DOK5: variants seen among roughly 807,000 people sequenced by gnomAD.
DOK5 encodes docking protein 5.
In DOK5, 27 loss-of-function variants were observed where a neutral mutation model predicts 43.3. That is an observed-to-expected ratio of 0.62 (90% CI 0.46 to 0.86). The LOEUF is 0.86. Ranked by LOEUF, DOK5 falls within the 40% of genes least tolerant of loss-of-function variation. DOK5 has a pLI of 0.00. For synonymous variants in DOK5, 146 were observed against 140.1 expected, an observed-to-expected ratio of 1.04 and a Z score of -0.30; for missense variants, 373 against 392.9, an observed-to-expected ratio of 0.95 and a Z score of 0.43.
intron 1 of DOK5, among the ~76,000 whole-genome samples, chr20:54,493,050 G>A (rs1412374303): frequency 2.8e-5 from 3 of 109,060 alleles, no homozygotes; most frequent in Non-Finnish European, 5.2e-5. Flanking sequence ...GTGAGACTCT[G>A]TCCCCCTCCA....
At chr20:54,501,310 A>G (rs2146678365) in intron 1 of DOK5, among the ~76,000 whole-genome samples, 1 of 151,916 alleles carries the variant, frequency 6.6e-6, no homozygotes, top group South Asian at 2.1e-4. Context: ...TACTAAAAAT[A>G]CAAAAAATTA....
chr20:54,491,710 C>T (rs937526922), intron 1 of DOK5, among the ~76,000 whole-genome samples: 1 of 152,130 alleles, frequency 6.6e-6, no homozygotes, highest in Admixed American at 6.6e-5. Flanking sequence ...CTCAAGTACC[C>T]GAAACATTCT....
At chr20:54,476,180 G>C (rs911146753) in intron 1 of DOK5, 168 bp downstream of exon 1, 11 of 985,312 alleles carry the variant, frequency 1.1e-5, no homozygotes, top group African/African-American at 1.7e-5. Context: ...TAAGGCCAGC[G>C]TCTAGGTATG....
chr20:54,552,799 GT>G (rs981902325), intron 1 of DOK5, among the ~76,000 whole-genome samples: 187 of 152,160 alleles, frequency 1.2e-3, no homozygotes, highest in Non-Finnish European at 1.9e-3. Flanking sequence ...AGTGGATTTC[GT>G]TTTTTCACCC....
chr20:54,643,021 T>C (rs1979197995), intron 6 of DOK5, among the ~76,000 whole-genome samples: 1 of 152,234 alleles, frequency 6.6e-6, no homozygotes, highest in Admixed American at 6.5e-5. Flanking sequence ...CAAGGCAATA[T>C]TCTGCACTCT....
At chr20:54,627,981 T>A (rs1356302434) in intron 6 of DOK5, among the ~76,000 whole-genome samples, 1 of 152,190 alleles carries the variant, frequency 6.6e-6, no homozygotes, top group African/African-American at 2.4e-5. Context: ...CACCTTGTGC[T>A]TCTCCACCCT....
chr20:54,622,370 G>GA (rs1188092696), intron 6 of DOK5, among the ~76,000 whole-genome samples: 1 of 152,168 alleles, frequency 6.6e-6, no homozygotes, highest in African/African-American at 2.4e-5. Flanking sequence ...ATTAGGGGAA[G>GA]AAAATCTCAT....
At chr20:54,552,982 A>G (rs1318140974) in intron 1 of DOK5, among the ~76,000 whole-genome samples, 5 of 152,154 alleles carry the variant, frequency 3.3e-5, no homozygotes, top group Non-Finnish European at 5.9e-5. Context: ...CAAATATTTT[A>G]TGTAGACTTT....
At chr20:54,564,276 AC>A (rs1467739168) in intron 2 of DOK5, among the ~76,000 whole-genome samples, 4 of 152,088 alleles carry the variant, frequency 2.6e-5, no homozygotes, top group African/African-American at 9.6e-5. Context: ...AATACAAAAA[AC>A]AAAATTAGCT....
At chr20:54,511,104 A>G (rs1349487373) in intron 1 of DOK5, among the ~76,000 whole-genome samples, 4 of 152,142 alleles carry the variant, frequency 2.6e-5, no homozygotes, top group Non-Finnish European at 4.4e-5. Flanking sequence ...AGGTAGCATC[A>G]CTTTGGAGAA....
intron 1 of DOK5, among the ~76,000 whole-genome samples, chr20:54,502,813 AT>A (rs1283215663): frequency 6.6e-6 from 1 of 152,140 alleles, no homozygotes; most frequent in African/African-American, 2.4e-5. Context: ...TGTGTTAGAT[AT>A]TCTATTAATT....
chr20:54,482,671 A>G (rs1402633541), intron 1 of DOK5, among the ~76,000 whole-genome samples: 1 of 152,014 alleles, frequency 6.6e-6, no homozygotes, highest in African/African-American at 2.4e-5. Flanking sequence ...TAATTTTGGT[A>G]TTTTTAGTAG....
intron 2 of DOK5, among the ~76,000 whole-genome samples, chr20:54,565,964 G>A (rs969263755): frequency 1.3e-5 from 2 of 150,938 alleles, no homozygotes; most frequent in East Asian, 3.9e-4. Context: ...GCTGCAGTGA[G>A]TGGAGATCAC....
At chr20:54,494,598 G>A (rs960755906) in intron 1 of DOK5, among the ~76,000 whole-genome samples, 3 of 149,452 alleles carry the variant, frequency 2.0e-5, no homozygotes, top group Admixed American at 6.6e-5. Context: ...GTTCTCCCTT[G>A]ATTTTACCCA....
intron 6 of DOK5, among the ~76,000 whole-genome samples, chr20:54,639,947 A>T (rs1979024554): frequency 6.6e-6 from 1 of 152,244 alleles, no homozygotes; most frequent in African/African-American, 2.4e-5. Context: ...CAGTGGTTCC[A>T]GTTCAGGGTC....
At chr20:54,536,906 T>C (rs570137263) in intron 1 of DOK5, among the ~76,000 whole-genome samples, 5 of 152,188 alleles carry the variant, frequency 3.3e-5, no homozygotes, top group Non-Finnish European at 7.4e-5. Flanking sequence ...CTCCACACCA[T>C]GGTGTCTGCG....
At chr20:54,528,468 G>C (rs1369582115) in intron 1 of DOK5, among the ~76,000 whole-genome samples, 1 of 151,870 alleles carries the variant, frequency 6.6e-6, no homozygotes, top group African/African-American at 2.4e-5. Context: ...TTACCTCATG[G>C]TCCAAGATGG....
intron 1 of DOK5, among the ~76,000 whole-genome samples, chr20:54,491,083 T>A (rs1226757834): frequency 6.6e-6 from 1 of 152,214 alleles, no homozygotes; most frequent in Non-Finnish European, 1.5e-5. Context: ...TCTTAGGTGG[T>A]CTCCTTCAGG....
intron 1 of DOK5, among the ~76,000 whole-genome samples, chr20:54,479,273 A>G (rs1981566424): frequency 6.6e-6 from 1 of 152,190 alleles, no homozygotes; most frequent in African/African-American, 2.4e-5. Context: ...AAGTTTCAGT[A>G]TCTTCACATC....
Sources: gnomAD v4.1 joint callset for allele counts (sites outside exome capture counted in the v4.1 genomes callset) on GRCh38, gnomAD v4.1.1 for gene constraint, MANE v1.5 for transcripts, NCBI Gene and HGNC (gene_info 2026-07-23, HGNC 2026-07-21) for gene names.